The following PALLD variants were observed in gnomAD, a reference collection of about 807,000 sequenced individuals.
PALLD encodes palladin, cytoskeletal associated protein.
In PALLD, 61 loss-of-function variants were observed where a neutral mutation model predicts 123.5. The ratio of observed to expected loss-of-function variants is 0.49; its 90% confidence interval spans 0.40 to 0.61. The LOEUF (loss-of-function observed/expected upper bound fraction) is 0.61, where lower values mean the gene tolerates loss of function less well. Among genes scored for constraint, PALLD ranks in the 20% least tolerant of loss-of-function variants. The pLI is 0.00. For synonymous variants in PALLD, 465 were observed against 496.4 expected (o/e 0.94, Z 0.84); for missense variants, 1,273 against 1,377.0 (o/e 0.92, Z 1.20).
chr4:168,802,633 A>T (rs1210602862), intron 10 of PALLD, among the ~76,000 whole-genome samples: 1 of 152,232 alleles, frequency 6.6e-6, no homozygotes, highest in East Asian at 1.9e-4. Flanking sequence ...CTACTGTTTG[A>T]TAAAAAGGAA....
At chr4:168,925,316 C>T in intron 21 of PALLD, 38 bp downstream of exon 21, 1 of 1,466,084 alleles carries the variant, frequency 6.8e-7, no homozygotes, top group Non-Finnish European at 9.6e-7. Context: ...GCAAAATATG[C>T]ATGTTGATTT....
chr4:168,775,420 A>G lies in PALLD; in HGVS notation c.1964+63497A>G, dbSNP rs1381711078. 1.3e-5 allele frequency among the ~76,000 whole-genome samples: 2 copies of G among 152,080 alleles called. 1 individual carries two copies. The highest frequency in any genetic ancestry group is 4.1e-4 in the South Asian group (2 of 4,826). ...TTTTCTTATTATCAAGTTTCTTATT[A>G]TAGTATTTATATATTCTAGATACAA... On this transcript the variant is annotated intron_variant, in intron 10 of 21. Transcript: ENST00000505667.
intron 2 of PALLD, among the ~76,000 whole-genome samples, chr4:168,549,653 A>G (rs140273452): frequency 2.0e-5 from 3 of 152,290 alleles, no homozygotes; most frequent in African/African-American, 7.2e-5. Context: ...GCTAGAGCCT[A>G]TAATTTATTT....
chr4:168,918,643 ACT>A (rs2126385385), intron 17 of PALLD, among the ~76,000 whole-genome samples: 1 of 152,316 alleles, frequency 6.6e-6, no homozygotes, highest in Admixed American at 6.5e-5. Flanking sequence ...ATAACGATGT[ACT>A]ATATACTTGA....
At chr4:168,678,583 G>T (rs1781106908) in intron 3 of PALLD, among the ~76,000 whole-genome samples, 1 of 152,128 alleles carries the variant, frequency 6.6e-6, no homozygotes, top group Non-Finnish European at 1.5e-5. Context: ...TGGAAAACAA[G>T]CAGGGAGAGA....
chr4:168,526,952 A>G (rs1764107265), intron 2 of PALLD, among the ~76,000 whole-genome samples: 1 of 152,232 alleles, frequency 6.6e-6, no homozygotes, highest in African/African-American at 2.4e-5. Flanking sequence ...AGCTGGTGAT[A>G]GTTCACTGCT....
At chr4:168,710,405 C>G (rs903321952) in intron 9 of PALLD, among the ~76,000 whole-genome samples, 2 of 151,920 alleles carry the variant, frequency 1.3e-5, no homozygotes, top group Non-Finnish European at 2.9e-5. Context: ...TTTGACCAAG[C>G]CTGGAACATA....
chr4:168,729,914 G>A (rs975118718), intron 10 of PALLD, among the ~76,000 whole-genome samples: 2 of 152,164 alleles, frequency 1.3e-5, no homozygotes, highest in South Asian at 2.1e-4. Flanking sequence ...TAGAGTTACT[G>A]TAGCAAAATT....
At chr4:168,615,477 T>C (rs1774138150) in intron 2 of PALLD, among the ~76,000 whole-genome samples, 1 of 152,188 alleles carries the variant, frequency 6.6e-6, no homozygotes, top group Non-Finnish European at 1.5e-5. Flanking sequence ...CCGAGTCCAT[T>C]TAGTGGCAAA....
chr4:168,823,552 C>T (rs908376639), intron 10 of PALLD, among the ~76,000 whole-genome samples: 2 of 152,004 alleles, frequency 1.3e-5, no homozygotes, highest in South Asian at 2.1e-4. Flanking sequence ...GGGTGGTGCA[C>T]GCTTGCAGTC....
chr4:168,515,994 A>C (rs1415174140), intron 2 of PALLD, among the ~76,000 whole-genome samples: 1 of 152,204 alleles, frequency 6.6e-6, no homozygotes, highest in Non-Finnish European at 1.5e-5. Flanking sequence ...CAGTCACTTC[A>C]AGGCAAGGCA....
intron 2 of PALLD, among the ~76,000 whole-genome samples, chr4:168,664,769 G>GAA (rs11301858): frequency 0.038 from 4,163 of 110,574 alleles, 218 homozygotes; most frequent in African/African-American, 0.11. Flanking sequence ...AGAGGAGGAG[G>GAA]AAAAAAAAAA....
chr4:168,575,819 G>A (rs1769511288), intron 2 of PALLD, among the ~76,000 whole-genome samples: 1 of 151,974 alleles, frequency 6.6e-6, no homozygotes. Flanking sequence ...TATTGGCCTG[G>A]GGACCACTGT....
chr4:168,687,046 C>G (rs1782132366), intron 6 of PALLD, among the ~76,000 whole-genome samples: 1 of 152,190 alleles, frequency 6.6e-6, no homozygotes, highest in Non-Finnish European at 1.5e-5. Context: ...TCCAGTTGGA[C>G]TCCTACCTCA....
intron 10 of PALLD, among the ~76,000 whole-genome samples, chr4:168,824,703 A>G (rs910097744): frequency 6.6e-6 from 1 of 151,678 alleles, no homozygotes; most frequent in Non-Finnish European, 1.5e-5. Flanking sequence ...CTAGTACTTC[A>G]TTGTATCAGC....
chr4:168,672,748 T>G (rs972868482), intron 3 of PALLD, among the ~76,000 whole-genome samples: 1 of 152,192 alleles, frequency 6.6e-6, no homozygotes, highest in South Asian at 2.1e-4. Context: ...GTGAGCCACC[T>G]CGCCCGGCCA....
At chr4:168,862,311 AT>A (rs11409732) in intron 10 of PALLD, among the ~76,000 whole-genome samples, 4 of 148,624 alleles carry the variant, frequency 2.7e-5, no homozygotes, top group Admixed American at 6.7e-5. Context: ...CACCTGGCTA[AT>A]TTTTTTTTTT....
intron 10 of PALLD, among the ~76,000 whole-genome samples, chr4:168,852,907 CTT>C (rs1748013603): frequency 6.6e-6 from 1 of 152,178 alleles, no homozygotes; most frequent in African/African-American, 2.4e-5. Context: ...GGGTAGTAGA[CTT>C]TGCACTGGAA....
chr4:168,538,831 T>G (rs1157279265), intron 2 of PALLD, among the ~76,000 whole-genome samples: 1 of 152,176 alleles, frequency 6.6e-6, no homozygotes, highest in Non-Finnish European at 1.5e-5. Flanking sequence ...AGTGGGTGAT[T>G]ACCCGCGATT....
Sources: allele counts gnomAD v4.1 joint callset (sites outside exome capture counted in the v4.1 genomes callset), GRCh38; gene constraint gnomAD v4.1.1; transcripts MANE v1.5; gene names NCBI Gene and HGNC (gene_info 2026-07-23, HGNC 2026-07-21).